SAMD4A: variants seen among roughly 807,000 people sequenced by gnomAD.
SAMD4A encodes protein Smaug homolog 1.
SAMD4A carries 33 observed loss-of-function variants against 81.3 expected under a neutral mutation model. The ratio of observed to expected loss-of-function variants is 0.41; its 90% CI spans 0.31 to 0.54. The LOEUF is 0.54. Among genes scored for constraint, SAMD4A ranks in the 20% least tolerant of loss-of-function variants. SAMD4A has a pLI of 0.37. For missense variants in SAMD4A, 854 were observed against 951.1 expected (o/e 0.90, Z 1.34); for synonymous variants, 389 against 382.1 (o/e 1.02, Z -0.21).
intron 2 of SAMD4A, among the ~76,000 whole-genome samples, chr14:54,658,121 C>A (rs1288687580): frequency 6.6e-6 from 1 of 152,102 alleles, no homozygotes; most frequent in Non-Finnish European, 1.5e-5. Context: ...ACCAGCCTGG[C>A]CAACATGGCG....
chr14:54,748,103 A>G (rs1425971331), intron 4 of SAMD4A, among the ~76,000 whole-genome samples: 1 of 152,236 alleles, frequency 6.6e-6, no homozygotes, highest in Non-Finnish European at 1.5e-5. Flanking sequence ...GTTGACAATC[A>G]AGTAAAAAGT....
intron 8 of SAMD4A, among the ~76,000 whole-genome samples, chr14:54,766,313 G>C (rs1458589472): frequency 2.0e-5 from 3 of 152,168 alleles, no homozygotes; most frequent in Non-Finnish European, 4.4e-5. Context: ...CCATTCCCTA[G>C]ATACTTACTG....
chr14:54,657,855 A>G (rs2035555414), intron 2 of SAMD4A, among the ~76,000 whole-genome samples: 1 of 152,176 alleles, frequency 6.6e-6, no homozygotes, highest in Non-Finnish European at 1.5e-5. Flanking sequence ...TAGTCTAAAG[A>G]CTACTTGTTT....
intron 11 of SAMD4A, among the ~76,000 whole-genome samples, chr14:54,782,597 C>T (rs544280767): frequency 3.9e-5 from 6 of 152,324 alleles, no homozygotes; most frequent in Non-Finnish European, 7.3e-5. Context: ...CGTCTGCTCA[C>T]GTATTGGCAC....
intron 2 of SAMD4A, among the ~76,000 whole-genome samples, chr14:54,574,888 G>C (rs2033242896): frequency 6.6e-6 from 1 of 152,198 alleles, no homozygotes; most frequent in Admixed American, 6.5e-5. Flanking sequence ...GGCCTGGGGA[G>C]GTGGAGCTGA....
intron 2 of SAMD4A, among the ~76,000 whole-genome samples, chr14:54,592,066 T>C (rs2140186172): frequency 6.6e-6 from 1 of 150,898 alleles, no homozygotes; most frequent in East Asian, 2.0e-4. Flanking sequence ...CCCCTCCCCA[T>C]GTGCATCCCA....
chr14:54,719,427 A>C (rs1184673611), intron 3 of SAMD4A, among the ~76,000 whole-genome samples: 1 of 152,170 alleles, frequency 6.6e-6, no homozygotes, highest in Non-Finnish European at 1.5e-5. Context: ...AAATTGTTCC[A>C]GCTCTGATCC....
At chr14:54,620,540 A>G (rs192431786) in intron 2 of SAMD4A, among the ~76,000 whole-genome samples, 87 of 152,334 alleles carry the variant, frequency 5.7e-4, no homozygotes, top group African/African-American at 1.6e-3. Context: ...CCACAGATTT[A>G]TATGGCTCTG....
intron 2 of SAMD4A, among the ~76,000 whole-genome samples, chr14:54,659,446 T>C (rs2035592288): frequency 1.3e-5 from 2 of 152,190 alleles, no homozygotes; most frequent in African/African-American, 4.8e-5. Context: ...CTTTTTGGTT[T>C]GTTTGGTTTC....
chr14:54,724,040 G>GGAAGGAAGGAAGGAA (rs1344485748), intron 3 of SAMD4A, among the ~76,000 whole-genome samples: 36 of 150,886 alleles, frequency 2.4e-4, no homozygotes, highest in African/African-American at 8.5e-4. Flanking sequence ...AAGGAAGGAA[G>GGAAGGAAGGAAGGAA]GAAGGAAGGA....
At chr14:54,610,381 T>C (rs2034322063) in intron 2 of SAMD4A, among the ~76,000 whole-genome samples, 1 of 152,088 alleles carries the variant, frequency 6.6e-6, no homozygotes, top group East Asian at 1.9e-4. Context: ...GCTCACAGAG[T>C]GCCCATTATA....
intron 11 of SAMD4A, 160 bp from the exon 12 acceptor site, chr14:54,784,377 T>C (rs1566639666): frequency 6.4e-7 from 1 of 1,568,202 alleles, no homozygotes; most frequent in East Asian, 2.4e-5. Context: ...TAACAGACCT[T>C]AGAGGTTGGT....
chr14:54,570,089 C>G (rs1293015301), intron 2 of SAMD4A, among the ~76,000 whole-genome samples: 3 of 152,088 alleles, frequency 2.0e-5, no homozygotes, highest in Non-Finnish European at 2.9e-5. Flanking sequence ...AAATATAGAA[C>G]CATTGTGTAA....
chr14:54,733,596 A>G (rs2037613318), intron 3 of SAMD4A, among the ~76,000 whole-genome samples: 1 of 152,140 alleles, frequency 6.6e-6, no homozygotes, highest in Non-Finnish European at 1.5e-5. Context: ...GGACTTGCCA[A>G]TTTCTAATCT....
intron 2 of SAMD4A, among the ~76,000 whole-genome samples, chr14:54,643,925 G>A (rs2035228314): frequency 6.6e-6 from 1 of 152,150 alleles, no homozygotes; most frequent in Admixed American, 6.5e-5. Flanking sequence ...TGTAGGGCAG[G>A]TGGGAGAGAA....
At position 54,780,827 on chromosome 14, in the gene SAMD4A, G is replaced by A. The variant is rs112194116; in HGVS notation, c.2045-3710G>A. 1.6e-3 allele frequency among the ~76,000 whole-genome samples: 238 copies of A among 152,136 alleles called. 1 individual carries two copies. Among genetic ancestry groups the A allele is most frequent in the African/African-American group, 5.1e-3 (212 of 41,494 alleles). On this transcript the variant is annotated intron_variant, in intron 11 of 12. Coordinates refer to ENST00000554335, the MANE Select transcript of SAMD4A (RefSeq NM_015589.6). ...TAGGAGGCCACCAGAGAAAAGGTGCGTTCCCATGGTCAACTCAGGGATGCT... is the reference window on the plus strand; with the variant it reads ...TAGGAGGCCACCAGAGAAAAGGTGCATTCCCATGGTCAACTCAGGGATGCT...
chr14:54,697,820 TAGG>T (rs536579412), intron 2 of SAMD4A, among the ~76,000 whole-genome samples: 26 of 152,222 alleles, frequency 1.7e-4, no homozygotes, highest in Non-Finnish European at 2.8e-4. Flanking sequence ...TTATCTGGGC[TAGG>T]AGATCTGCTT....
chr14:54,788,041 T>C (rs925698734), intron 12 of SAMD4A, among the ~76,000 whole-genome samples: 1 of 152,066 alleles, frequency 6.6e-6, no homozygotes, highest in Non-Finnish European at 1.5e-5. Context: ...GGTCATCCAC[T>C]TCTCCAAAAC....
chr14:54,788,426 C>A (rs2039194642), intron 12 of SAMD4A, among the ~76,000 whole-genome samples: 1 of 152,298 alleles, frequency 6.6e-6, no homozygotes, highest in East Asian at 1.9e-4. Context: ...TCAGCTCCAC[C>A]ACCGGATGAC....
Sources: allele counts gnomAD v4.1 joint callset (sites outside exome capture counted in the v4.1 genomes callset), GRCh38; gene constraint gnomAD v4.1.1; transcripts MANE v1.5; gene names NCBI Gene and HGNC (gene_info 2026-07-23, HGNC 2026-07-21).